Variants in DCP1B observed in about 807,000 individuals in gnomAD.
DCP1B encodes decapping mRNA 1B, also known as mRNA-decapping enzyme 1B.
Under a neutral mutation model 60.5 loss-of-function variants are expected in DCP1B, and 47 were observed. That is an observed-to-expected ratio of 0.78 (90% CI 0.61 to 0.99). The LOEUF (loss-of-function observed/expected upper bound fraction) is 0.99. Among genes scored for constraint, DCP1B ranks in the 50% least tolerant of loss-of-function variants. The probability of loss-of-function intolerance (pLI) is 0.00; values close to 1 mark genes in which losing one functional copy is unlikely to be tolerated. For synonymous variants in DCP1B, 267 were observed against 280.3 expected (o/e 0.95, Z 0.47); for missense variants, 725 against 756.8 (o/e 0.96, Z 0.49).
At chr12:1,979,181 T>G (rs566176271) in intron 3 of DCP1B, among the ~76,000 whole-genome samples, 71 of 152,166 alleles carry the variant, frequency 4.7e-4, no homozygotes, top group African/African-American at 1.7e-3. Context: ...CCTGGCTAAT[T>G]TTTTTTATTT....
At chr12:1,975,524 A>G (rs573588307) in intron 3 of DCP1B, among the ~76,000 whole-genome samples, 23 of 152,282 alleles carry the variant, frequency 1.5e-4, no homozygotes, top group African/African-American at 4.8e-4. Context: ...TGCTTTCCTT[A>G]TTAAGCATTT....
chr12:1,957,310 A>G (rs1442184986), intron 5 of DCP1B, among the ~76,000 whole-genome samples: 1 of 152,252 alleles, frequency 6.6e-6, no homozygotes, highest in Non-Finnish European at 1.5e-5. Flanking sequence ...CTCAAAAAGT[A>G]TGTCATATAA....
chr12:1,969,504 T>A (rs1275893962), intron 3 of DCP1B, among the ~76,000 whole-genome samples: 3 of 151,484 alleles, frequency 2.0e-5, no homozygotes, highest in Admixed American at 6.6e-5. Context: ...TTTACTCTCT[T>A]AGATGGAAAT....
Position 1,971,771 on chromosome 12 carries a change from G to A in DCP1B, c.320-3861C>T, listed in dbSNP as rs921733740. Among the ~76,000 whole-genome samples the A allele has an allele frequency of 2.0e-5, 3 of 151,864 alleles. No homozygotes were observed. The highest frequency in any genetic ancestry group is 4.8e-5 in the African/African-American group (2 of 41,322). On this transcript the variant is annotated intron_variant, in intron 3 of 8. Coordinates refer to ENST00000280665, the MANE Select transcript of DCP1B (RefSeq NM_152640.5). This position sits in a 1 kb window ranked among gnomAD's most constrained non-coding sequence, Gnocchi z 4.2. ...TTAGTTCATTTTGCATGTTCTTTGG[G>A]GATTTGCCTTATCTCATTTATGTTC...
At chr12:1,982,804 A>G (rs1233028030) in intron 3 of DCP1B, among the ~76,000 whole-genome samples, 1 of 152,166 alleles carries the variant, frequency 6.6e-6, no homozygotes, top group Non-Finnish European at 1.5e-5. Flanking sequence ...CCCTCATAAA[A>G]TGAGTTGGAA....
At chr12:1,980,885 A>G (rs1472961356) in intron 3 of DCP1B, among the ~76,000 whole-genome samples, 2 of 152,034 alleles carry the variant, frequency 1.3e-5, no homozygotes, top group Non-Finnish European at 2.9e-5. Flanking sequence ...ACAGTGAATA[A>G]ACTTCTTAAA....
downstream of DCP1B, among the ~76,000 whole-genome samples, chr12:1,944,471 G>A (rs1181209026): frequency 6.6e-6 from 1 of 152,180 alleles, no homozygotes; most frequent in East Asian, 1.9e-4. Context: ...AGCCCGTATA[G>A]CCAAGACAAT....
chr12:1,996,653 A>AAAC lies in DCP1B; in HGVS notation c.191+1279_191+1281dup, dbSNP rs1289869721. On this transcript the variant is annotated intron_variant, in intron 2 of 8. Transcript: ENST00000280665. ...AAAAAAAAAAAAAAAAAAAAAAAAA[A>AAAC]AACAACAAACTCTTCTAATGTTTTA... Among the ~76,000 whole-genome samples the AAAC allele has an allele frequency of 5.6e-3, 204 of 36,632 alleles. 5 individuals are homozygous for AAAC. The highest frequency in any genetic ancestry group is 0.012 in the African/African-American group (66 of 5,602). 24.0% of individuals were successfully genotyped at this position (36,632 alleles called of 152,430 possible). A position where few individuals can be genotyped will look rare whatever the true frequency, so the allele number is the denominator to read the frequency against.
intron 2 of DCP1B, among the ~76,000 whole-genome samples, chr12:1,996,633 A>T (rs754489010): frequency 8.6e-6 from 1 of 115,826 alleles, no homozygotes; most frequent in Admixed American, 8.9e-5. Flanking sequence ...AAAAAAAAAA[A>T]AAAAAAAAAA....
Position 1,955,306 on chromosome 12 carries a change from C to T in DCP1B, c.651+126G>A, listed in dbSNP as rs574187574. On this transcript the variant is annotated intron_variant, in intron 6 of 8. Transcript: ENST00000280665. ...TGAAAAAATCTGTATTCTGAAATCC[C>T]GCTTTCTTGGGTTTACCTGAAAGCA... 1.2e-4 allele frequency: 142 copies of T among 1,152,504 alleles called. 1 individual carries two copies. Among genetic ancestry groups the T allele is most frequent in the Middle Eastern group, 4.3e-4 (2 of 4,680 alleles). The allele number at this position is 1,152,504 out of a possible 1,614,324, so 71.4% of individuals were successfully genotyped here. A position where few individuals can be genotyped will look rare whatever the true frequency, so the allele number is the denominator to read the frequency against.
At chr12:1,989,033 T>C (rs983178889) in intron 3 of DCP1B, among the ~76,000 whole-genome samples, 1 of 152,254 alleles carries the variant, frequency 6.6e-6, no homozygotes, top group Non-Finnish European at 1.5e-5. Flanking sequence ...AAGAATTTCA[T>C]TGCAATCCTA....
intron 7 of DCP1B, among the ~76,000 whole-genome samples, chr12:1,950,776 A>C (rs1565760183): frequency 6.6e-6 from 1 of 152,176 alleles, no homozygotes; most frequent in Non-Finnish European, 1.5e-5. Context: ...CCTCCCAAGT[A>C]GCTGGGACCA....
intron 5 of DCP1B, 134 bp from the exon 6 acceptor site, chr12:1,955,694 C>A: frequency 9.5e-7 from 1 of 1,055,904 alleles, no homozygotes; most frequent in Non-Finnish European, 1.3e-6. Flanking sequence ...AAAGGAAAAT[C>A]CCTTAAATTT....
chr12:2,003,183 G>A (rs1005052207), intron 1 of DCP1B, among the ~76,000 whole-genome samples: 2 of 152,056 alleles, frequency 1.3e-5, no homozygotes, highest in Non-Finnish European at 2.9e-5. Flanking sequence ...ATTTTCAGGT[G>A]AGTTTTTTAC....
chr12:2,002,416 A>T (rs1000562782), intron 1 of DCP1B, among the ~76,000 whole-genome samples: 10 of 152,204 alleles, frequency 6.6e-5, no homozygotes, highest in Non-Finnish European at 1.2e-4. Context: ...ACTTTGAAAG[A>T]ATGACCTTTT....
intron 3 of DCP1B, among the ~76,000 whole-genome samples, chr12:1,977,263 T>C (rs1174237017): frequency 6.6e-6 from 1 of 152,194 alleles, no homozygotes; most frequent in Non-Finnish European, 1.5e-5. Context: ...GTTAGCATGC[T>C]CGGCCATGAT....
rs183090124 is a variant in DCP1B, at chr12:1,948,478, C to A, written c.1773+608G>T. On this transcript the variant is annotated intron_variant, in intron 8 of 8. Coordinates refer to ENST00000280665, the MANE Select transcript of DCP1B (RefSeq NM_152640.5). This position sits in a 1 kb window ranked among gnomAD's most constrained non-coding sequence, Gnocchi z 4.8. Reference sequence around the variant, plus strand: ...TGTGTGTAGCACTGAAAATAGGGCCCGGCGCCAGCTCTGTGGAGTGTTAGC... The same window carrying A: ...TGTGTGTAGCACTGAAAATAGGGCCAGGCGCCAGCTCTGTGGAGTGTTAGC... Among the ~76,000 whole-genome samples the A allele has an allele frequency of 1.3e-5, 2 of 152,192 alleles. No homozygotes were observed. Among genetic ancestry groups the A allele is most frequent in the Non-Finnish European group, 2.9e-5 (2 of 68,026 alleles).
chr12:1,995,955 A>G (rs1409703034), intron 2 of DCP1B, among the ~76,000 whole-genome samples: 1 of 152,186 alleles, frequency 6.6e-6, no homozygotes, highest in African/African-American at 2.4e-5. Context: ...TCAAAGTAAA[A>G]TGAGGGCTGA....
At chr12:1,982,768 C>T (rs2036528440) in intron 3 of DCP1B, among the ~76,000 whole-genome samples, 1 of 152,008 alleles carries the variant, frequency 6.6e-6, no homozygotes, top group Admixed American at 6.6e-5. Context: ...ATGTCTTTGC[C>T]TTGTTTTGGT....
Sources: gnomAD v4.1 joint callset for allele counts (sites outside exome capture counted in the v4.1 genomes callset) on GRCh38, gnomAD v4.1.1 for gene constraint, Gnocchi (gnomAD v3.1) non-coding constraint, MANE v1.5 for transcripts, NCBI Gene and HGNC (gene_info 2026-07-23, HGNC 2026-07-21) for gene names.